PACRG: variants seen among roughly 807,000 people sequenced by gnomAD.
PACRG encodes the protein parkin coregulated gene protein.
A neutral mutation model predicts 29.7 loss-of-function variants in PACRG; 29 were observed. That is an observed-to-expected ratio of 0.98 (90% CI 0.73 to 1.33). The LOEUF (loss-of-function observed/expected upper bound fraction) is 1.33, where lower values mean the gene tolerates loss of function less well. PACRG is among the 40% of genes most tolerant of loss of function. PACRG has a pLI of 0.00. For missense variants in PACRG, 279 were observed against 316.2 expected (o/e 0.88, Z 0.89); for synonymous variants, 116 against 118.7 (o/e 0.98, Z 0.15).
At chr6:163,031,922 C>T (rs1030404005) in intron 2 of PACRG, among the ~76,000 whole-genome samples, 1 of 152,182 alleles carries the variant, frequency 6.6e-6, no homozygotes, top group Non-Finnish European at 1.5e-5. Context: ...ATTGGCTCTA[C>T]AAGTCAAGTT....
chr6:163,153,115 G>A (rs1223950289), intron 4 of PACRG, among the ~76,000 whole-genome samples: 1 of 152,154 alleles, frequency 6.6e-6, no homozygotes, highest in East Asian at 1.9e-4. Flanking sequence ...TAAATGTTGG[G>A]TAGAAACTTT....
At chr6:162,794,321 C>A (rs973770343) in intron 1 of PACRG, among the ~76,000 whole-genome samples, 4 of 151,978 alleles carry the variant, frequency 2.6e-5, no homozygotes, top group African/African-American at 7.3e-5. Flanking sequence ...TCTTGTTGAT[C>A]TGTTGGAGTA....
intron 2 of PACRG, among the ~76,000 whole-genome samples, chr6:162,952,166 TAAGA>T (rs1350333358): frequency 1.3e-5 from 2 of 152,228 alleles, no homozygotes; most frequent in East Asian, 3.8e-4. Context: ...CCGTTTATTG[TAAGA>T]AATTATTTAT....
intron 2 of PACRG, among the ~76,000 whole-genome samples, chr6:162,861,098 G>C (rs1791821337): frequency 6.6e-6 from 1 of 152,164 alleles, no homozygotes. Context: ...CTTCTTGTTT[G>C]CAAGAAGAAT....
intron 4 of PACRG, among the ~76,000 whole-genome samples, chr6:163,283,772 C>T (rs560607930): frequency 1.4e-5 from 2 of 140,848 alleles, no homozygotes; most frequent in African/African-American, 2.7e-5. Flanking sequence ...CTGCAGTCCG[C>T]AGTCCGGCCT....
chr6:163,217,612 T>G (rs902890059), intron 4 of PACRG, among the ~76,000 whole-genome samples: 3 of 152,182 alleles, frequency 2.0e-5, no homozygotes, highest in Admixed American at 6.5e-5. Context: ...AGGTGAGCAG[T>G]GGGCAGGTGA....
chr6:162,886,173 T>G (rs567727493), intron 2 of PACRG, among the ~76,000 whole-genome samples: 22 of 152,294 alleles, frequency 1.4e-4, no homozygotes, highest in African/African-American at 5.1e-4. Context: ...TCTACCCGCC[T>G]TGGCCTCCCA....
chr6:162,990,138 T>A (rs1309568899), intron 2 of PACRG, among the ~76,000 whole-genome samples: 2 of 151,934 alleles, frequency 1.3e-5, no homozygotes, highest in Non-Finnish European at 2.9e-5. Flanking sequence ...CAGCCTATCA[T>A]TGTTGGACAT....
intron 4 of PACRG, among the ~76,000 whole-genome samples, chr6:163,171,346 T>G (rs2128347333): frequency 6.6e-6 from 1 of 152,346 alleles, no homozygotes; most frequent in African/African-American, 2.4e-5. Flanking sequence ...GAGCTGGCAT[T>G]GACTGAGTGC....
At chr6:163,144,427 C>T (rs9456838) in intron 4 of PACRG, among the ~76,000 whole-genome samples, 33,862 of 151,768 alleles carry the variant, frequency 0.22, 4,180 homozygotes, top group African/African-American at 0.32. Context: ...ACAGTACTAA[C>T]GTTTGCATAA....
intron 1 of PACRG, among the ~76,000 whole-genome samples, chr6:162,790,654 C>G (rs1784858333): frequency 6.6e-6 from 1 of 152,050 alleles, no homozygotes. Flanking sequence ...TTTCCCAATC[C>G]CTTGTAAACC....
intron 4 of PACRG, chr6:163,190,865 T>C (rs1251928012): frequency 2.2e-6 from 1 of 446,612 alleles, no homozygotes; most frequent in Non-Finnish European, 4.5e-6. Context: ...GTGTTCTGTC[T>C]ATTGCTGATG....
chr6:163,191,983 G>A, intron 4 of PACRG: 1 of 296,508 alleles, frequency 3.4e-6, no homozygotes, highest in Non-Finnish European at 6.7e-6. Flanking sequence ...CACCGGGGCA[G>A]TTGTTGTTGA....
intron 2 of PACRG, among the ~76,000 whole-genome samples, chr6:162,823,563 G>A (rs545967911): frequency 6.7e-6 from 1 of 150,056 alleles, no homozygotes; most frequent in Non-Finnish European, 1.5e-5. Context: ...CCAGGCTGGA[G>A]TGCAGTGGTG....
At chr6:163,165,948 A>G in intron 4 of PACRG, 3 of 369,554 alleles carry the variant, frequency 8.1e-6, no homozygotes, top group Non-Finnish European at 1.6e-5. Context: ...CCTTCAATAC[A>G]GAATTATTTT....
At chr6:163,179,090 A>C in intron 4 of PACRG, 1 of 399,514 alleles carries the variant, frequency 2.5e-6, no homozygotes, top group South Asian at 1.8e-5. Context: ...ACTTAATCAA[A>C]AAGAAGCTTA....
intron 1 of PACRG, 57 bp downstream of exon 1, chr6:162,728,448 A>G (rs1023801251): frequency 1.3e-6 from 2 of 1,584,930 alleles, no homozygotes; most frequent in Non-Finnish European, 8.6e-7. Flanking sequence ...CACGAGATTT[A>G]CAGAGGTTGG....
chr6:163,271,343 C>G (rs1404844199), intron 4 of PACRG, among the ~76,000 whole-genome samples: 1 of 22,186 alleles, frequency 4.5e-5, no homozygotes, highest in Non-Finnish European at 1.0e-4. Context: ...ACACCAGGAA[C>G]AATACTTTGC....
chr6:162,743,446 TATATC>T (rs1780751879), intron 1 of PACRG, among the ~76,000 whole-genome samples: 2 of 152,266 alleles, frequency 1.3e-5, no homozygotes, highest in East Asian at 3.9e-4. Context: ...ATATCATACA[TATATC>T]ATACTATATT....
Sources: allele counts gnomAD v4.1 joint callset (sites outside exome capture counted in the v4.1 genomes callset), GRCh38; gene constraint gnomAD v4.1.1; transcripts MANE v1.5; gene names NCBI Gene and HGNC (gene_info 2026-07-23, HGNC 2026-07-21).